Variants in PDZRN4 observed in about 807,000 individuals in gnomAD.
PDZRN4 encodes the protein PDZ domain-containing RING finger protein 4.
A neutral mutation model predicts 99.0 loss-of-function variants in PDZRN4; 70 were observed. The ratio of observed to expected loss-of-function variants is 0.71; its 90% CI spans 0.58 to 0.86. The LOEUF is 0.86. PDZRN4 is among the 40% of genes least tolerant of loss of function. The pLI, the probability that PDZRN4 is intolerant of heterozygous loss-of-function variation, is 0.00. For synonymous variants in PDZRN4, 551 were observed against 501.6 expected (o/e 1.10, Z -1.32); for missense variants, 1,474 against 1,331.2 (o/e 1.11, Z -1.67).
At chr12:41,294,257 G>A (rs543905389) in intron 3 of PDZRN4, among the ~76,000 whole-genome samples, 9 of 152,178 alleles carry the variant, frequency 5.9e-5, no homozygotes, top group East Asian at 5.8e-4. Flanking sequence ...TAACACCCTC[G>A]TTGTGCAAGT....
rs1224655097 is a variant in PDZRN4, at chr12:41,404,199, GCGGT to G, written c.844-102256_844-102253del. Among the ~76,000 whole-genome samples, 4 of 151,318 alleles carry G rather than the reference GCGGT, an allele frequency of 2.6e-5. No homozygotes were observed. The East Asian group carries it at 7.8e-4, about 29-fold the overall frequency. Reference sequence around the variant, plus strand: ...TTATTTTTTCAAATATTTTCGATCTGCGGTTGGTTGAATCCACAGATGCAAAACC... The same window carrying G: ...TTATTTTTTCAAATATTTTCGATCTGTGGTTGAATCCACAGATGCAAAACC... On this transcript the variant is annotated intron_variant, in intron 3 of 9. Transcript: ENST00000402685.
chr12:41,365,181 A>C (rs773741779), intron 3 of PDZRN4, among the ~76,000 whole-genome samples: 14 of 152,094 alleles, frequency 9.2e-5, no homozygotes, highest in Non-Finnish European at 1.9e-4. Flanking sequence ...GAAATAATAA[A>C]AGATATTGGG....
chr12:41,432,530 A>T (rs1464113223), intron 3 of PDZRN4, among the ~76,000 whole-genome samples: 1 of 152,234 alleles, frequency 6.6e-6, no homozygotes, highest in Admixed American at 6.5e-5. Context: ...ATGTTTATTA[A>T]AGGCACAGAA....
intron 3 of PDZRN4, among the ~76,000 whole-genome samples, chr12:41,229,103 C>T (rs1488846616): frequency 6.6e-6 from 1 of 151,560 alleles, no homozygotes; most frequent in African/African-American, 2.4e-5. Context: ...ACTAATTCAT[C>T]TAATTGCACA....
chr12:41,258,335 T>C (rs914518680), intron 3 of PDZRN4, among the ~76,000 whole-genome samples: 1 of 151,912 alleles, frequency 6.6e-6, no homozygotes, highest in Non-Finnish European at 1.5e-5. Flanking sequence ...TTTTGGTAAA[T>C]AGAAGGAGGG....
At chr12:41,240,015 T>G (rs1443885100) in intron 3 of PDZRN4, among the ~76,000 whole-genome samples, 1 of 152,214 alleles carries the variant, frequency 6.6e-6, no homozygotes, top group Non-Finnish European at 1.5e-5. Context: ...ATTGCCCACT[T>G]GGGCAGCATG....
chr12:41,385,658 C>G (rs534599417), intron 3 of PDZRN4, among the ~76,000 whole-genome samples: 80 of 152,190 alleles, frequency 5.3e-4, no homozygotes, highest in African/African-American at 1.9e-3. Flanking sequence ...ACAATGAGCT[C>G]TGAAATTTAG....
intron 5 of PDZRN4, among the ~76,000 whole-genome samples, chr12:41,515,427 A>G (rs1938384486): frequency 6.6e-6 from 1 of 151,982 alleles, no homozygotes. Context: ...GGGCAGTAAA[A>G]TAATCCATTA....
chr12:41,351,989 A>G (rs1200223466), intron 3 of PDZRN4, among the ~76,000 whole-genome samples: 1 of 148,216 alleles, frequency 6.7e-6, no homozygotes, highest in African/African-American at 2.6e-5. Flanking sequence ...CAAAATAAAT[A>G]AATAAATAAA....
intron 3 of PDZRN4, among the ~76,000 whole-genome samples, chr12:41,392,286 A>G (rs1952215554): frequency 6.6e-6 from 1 of 152,136 alleles, no homozygotes; most frequent in Non-Finnish European, 1.5e-5. Flanking sequence ...GAACTTATTC[A>G]CTGGGACTCA....
At chr12:41,217,428 C>A (rs1179671936) in intron 3 of PDZRN4, among the ~76,000 whole-genome samples, 1 of 151,964 alleles carries the variant, frequency 6.6e-6, no homozygotes, top group Admixed American at 6.6e-5. Flanking sequence ...TGCTCTAAGG[C>A]TTTCATCCAT....
intron 5 of PDZRN4, among the ~76,000 whole-genome samples, chr12:41,513,576 T>C (rs1204323575): frequency 6.6e-6 from 1 of 152,082 alleles, no homozygotes; most frequent in African/African-American, 2.4e-5. Flanking sequence ...GGGTGTTCCA[T>C]GCCACTGGAA....
At chr12:41,264,666 A>G (rs977101335) in intron 3 of PDZRN4, among the ~76,000 whole-genome samples, 1 of 152,188 alleles carries the variant, frequency 6.6e-6, no homozygotes, top group Non-Finnish European at 1.5e-5. Flanking sequence ...GAGCTGTAAA[A>G]TAAATTATTC....
intron 3 of PDZRN4, among the ~76,000 whole-genome samples, chr12:41,455,512 G>A (rs891184040): frequency 6.6e-6 from 1 of 152,114 alleles, no homozygotes; most frequent in African/African-American, 2.4e-5. Flanking sequence ...GGCGTTCTGA[G>A]AAAATCAGTT....
chr12:41,417,546 CAA>C (rs1051046982), intron 3 of PDZRN4, among the ~76,000 whole-genome samples: 28 of 152,274 alleles, frequency 1.8e-4, no homozygotes, highest in African/African-American at 6.5e-4. Context: ...GCCAGGAACA[CAA>C]AGATGATGCT....
chr12:41,538,765 C>T (rs529183036), intron 5 of PDZRN4, among the ~76,000 whole-genome samples: 18 of 152,008 alleles, frequency 1.2e-4, no homozygotes, highest in South Asian at 2.1e-4. Flanking sequence ...AAATACTACT[C>T]GAATTTCTTT....
At chr12:41,408,501 T>A (rs915911048) in intron 3 of PDZRN4, among the ~76,000 whole-genome samples, 13 of 152,166 alleles carry the variant, frequency 8.5e-5, no homozygotes, top group African/African-American at 2.4e-4. Context: ...AGAGATGAAG[T>A]CTTCTGAAGT....
chr12:41,337,807 C>A (rs185763125), intron 3 of PDZRN4, among the ~76,000 whole-genome samples: 186 of 152,238 alleles, frequency 1.2e-3, no homozygotes, highest in African/African-American at 4.3e-3. Context: ...CCATCTTTGA[C>A]ACCAATCCTC....
intron 3 of PDZRN4, among the ~76,000 whole-genome samples, chr12:41,376,212 T>G (rs1456498837): frequency 6.6e-6 from 1 of 152,174 alleles, no homozygotes; most frequent in Non-Finnish European, 1.5e-5. Flanking sequence ...CTTTTCAACA[T>G]ACTGATTTTG....
Sources: gnomAD v4.1 joint callset for allele counts (sites outside exome capture counted in the v4.1 genomes callset) on GRCh38, gnomAD v4.1.1 for gene constraint, MANE v1.5 for transcripts, NCBI Gene and HGNC (gene_info 2026-07-23, HGNC 2026-07-21) for gene names.